Variants in CAPRIN2 observed in about 807,000 individuals in gnomAD.
CAPRIN2 encodes the protein caprin family member 2, also known as caprin-2.
A neutral mutation model predicts 130.4 loss-of-function variants in CAPRIN2; 66 were observed. The ratio of observed to expected loss-of-function variants is 0.51; its 90% confidence interval spans 0.42 to 0.62. The LOEUF is 0.62. CAPRIN2 is among the 20% of genes least tolerant of loss of function. The pLI, the probability that CAPRIN2 is intolerant of heterozygous loss-of-function variation, is 0.00. For missense variants in CAPRIN2, 1,185 were observed against 1,246.6 expected (o/e 0.95, Z 0.74); for synonymous variants, 471 against 444.1 (o/e 1.06, Z -0.76).
intron 2 of CAPRIN2, among the ~76,000 whole-genome samples, chr12:30,743,237 T>C (rs1693870156): frequency 6.6e-6 from 1 of 151,280 alleles, no homozygotes; most frequent in Admixed American, 6.6e-5. Flanking sequence ...GCTCCCTCTC[T>C]ATTGATGCTT....
chr12:30,717,195 C>T (rs2136700666), intron 12 of CAPRIN2, among the ~76,000 whole-genome samples: 1 of 152,312 alleles, frequency 6.6e-6, no homozygotes, highest in South Asian at 2.1e-4. Context: ...AATTTCCCAA[C>T]AGATGAATGG....
At chr12:30,720,635 CAAAGCTACAAT>C in intron 12 of CAPRIN2, 165 bp downstream of exon 13, 1 of 519,332 alleles carries the variant, frequency 1.9e-6, no homozygotes, top group Non-Finnish European at 3.5e-6. Flanking sequence ...ATTTATATGG[CAAAGCTACAAT>C]AAAGTTACCT....
At chr12:30,747,926 A>C (rs2139651456) in intron 2 of CAPRIN2, among the ~76,000 whole-genome samples, 1 of 152,294 alleles carries the variant, frequency 6.6e-6, no homozygotes, top group South Asian at 2.1e-4. Flanking sequence ...CAGCAGAGGA[A>C]GTAACTGCAG....
Position 30,710,383 on chromosome 12 carries a change from C to T in CAPRIN2, c.2753G>A (p.Arg918His), listed in dbSNP as rs772253137. 21 of 1,613,978 alleles carry T rather than the reference C, an allele frequency of 1.3e-5. No homozygotes were observed. Among genetic ancestry groups the T allele is most frequent in the African/African-American group, 2.7e-5 (2 of 74,890 alleles). ...TGGCACATCCACAGGGGTCATGCTA[C>T]GGGAGTCTCCTTGTCCAGAGTCACC... The change falls in exon 17 of 17, where the codon CGT becomes CAT. Residue 918 changes from arginine (R) to histidine (H), a missense_variant. Physicochemically the swap from Arg to His is conservative, Grantham distance 29. This residue lies in a region of CAPRIN2 where 1,104 missense variants were observed against 1,104.3 expected (regional missense o/e 1.00). Coordinates refer to ENST00000298892, the Ensembl canonical transcript of CAPRIN2. This position sits in a 1 kb window ranked among gnomAD's most constrained non-coding sequence, Gnocchi z 4.8.
chr12:30,736,970 T>G (rs1319016179), intron 3 of CAPRIN2, among the ~76,000 whole-genome samples: 1 of 152,196 alleles, frequency 6.6e-6, no homozygotes, highest in Non-Finnish European at 1.5e-5. Context: ...TATGGGCTCA[T>G]GCCACCTTGA....
Position 30,723,246 on chromosome 12 carries a change from T to G in CAPRIN2, c.2043+13A>C. On this transcript the variant is annotated intron_variant, in intron 11 of 16. Coordinates refer to ENST00000298892, the Ensembl canonical transcript of CAPRIN2. ...TGAGCAGCAAAGAATAAAAGATTAA[T>G]TTGGAAAGTTACCTGTAACGGCTCT... 2 of 1,587,954 alleles carry G rather than the reference T, an allele frequency of 1.3e-6. No individual in the cohort carries two copies. Among genetic ancestry groups the G allele is most frequent in the Non-Finnish European group, 1.7e-6 (2 of 1,157,010 alleles).
chr12:30,742,618 C>T (rs754605574), intron 2 of CAPRIN2, among the ~76,000 whole-genome samples: 1 of 151,286 alleles, frequency 6.6e-6, no homozygotes, highest in Non-Finnish European at 1.5e-5. Context: ...AAAAAGCAAA[C>T]TGCAGAATAT....
chr12:30,753,407 C>T, exon 1 of CAPRIN2: 1 of 1,613,916 alleles, frequency 6.2e-7, no homozygotes, highest in South Asian at 1.1e-5. Context: ...CAATATAGGT[C>T]TCATACGCTT....
intron 4 of CAPRIN2, 59 bp from the exon 6 acceptor site, chr12:30,733,770 A>G: frequency 9.0e-7 from 1 of 1,116,588 alleles, no homozygotes; most frequent in Non-Finnish European, 1.4e-6. Flanking sequence ...TATATGGAGC[A>G]GCACAATTTA....
At chr12:30,734,325 A>G in intron 4 of CAPRIN2, among the ~76,000 whole-genome samples, 1 of 152,168 alleles carries the variant, frequency 6.6e-6, no homozygotes, top group Non-Finnish European at 1.5e-5. Context: ...AACAAATACA[A>G]AGCTGGAATA....
chr12:30,730,705 G>T (rs1005498538), intron 6 of CAPRIN2, among the ~76,000 whole-genome samples: 16 of 152,252 alleles, frequency 1.1e-4, no homozygotes, highest in Middle Eastern at 3.4e-3. Flanking sequence ...TAAGAGAGTG[G>T]AGATACTTAA....
chr12:30,730,069 G>T lies in CAPRIN2; in HGVS notation c.1104+170C>A, dbSNP rs980266711. 3.9e-5 allele frequency among the ~76,000 whole-genome samples: 6 copies of T among 152,252 alleles called. No homozygotes were observed. The South Asian group carries it at 1.2e-3, about 32-fold the overall frequency. On this transcript the variant is annotated intron_variant, in intron 7 of 16. Transcript: ENST00000298892. ...ACGTTATCCCTATTTTACATATGAG[G>T]ATAACAGACACAGCTGGACCAGATT... is the stretch of plus-strand genomic sequence containing the variant.
intron 9 of CAPRIN2, among the ~76,000 whole-genome samples, chr12:30,725,005 A>C (rs765914082): frequency 6.6e-6 from 1 of 152,138 alleles, no homozygotes; most frequent in East Asian, 1.9e-4. Context: ...TAAACAAAAC[A>C]AAACAAAAGC....
intron 3 of CAPRIN2, among the ~76,000 whole-genome samples, chr12:30,740,009 T>C (rs955003875): frequency 1.3e-5 from 2 of 152,172 alleles, no homozygotes; most frequent in South Asian, 2.1e-4. Flanking sequence ...TCTAACCATA[T>C]TTGTAATCCT....
chr12:30,713,005 G>A (rs1020938508), intron 15 of CAPRIN2, among the ~76,000 whole-genome samples: 2 of 152,146 alleles, frequency 1.3e-5, no homozygotes, highest in African/African-American at 4.8e-5. Context: ...GCCTCCCAAA[G>A]TGCTGGGATT....
At chr12:30,726,724 AAAG>A (rs1459158292) in intron 8 of CAPRIN2, among the ~76,000 whole-genome samples, 1 of 152,120 alleles carries the variant, frequency 6.6e-6, no homozygotes, top group South Asian at 2.1e-4. Flanking sequence ...CCTTCTAATC[AAAG>A]AAGACACACA....
chr12:30,735,501 T>C (rs2064343990), intron 3 of CAPRIN2, among the ~76,000 whole-genome samples: 1 of 152,204 alleles, frequency 6.6e-6, no homozygotes, highest in African/African-American at 2.4e-5. Context: ...TTGATGTCCA[T>C]ATTCATTTCA....
At chr12:30,724,381 C>A in exon 10 of CAPRIN2, 2 of 1,610,496 alleles carry the variant, frequency 1.2e-6, no homozygotes, top group South Asian at 2.2e-5. Context: ...TACGGGGCTA[C>A]CTGGAGTAGC....
At chr12:30,718,412 C>T (rs998136128) in intron 12 of CAPRIN2, among the ~76,000 whole-genome samples, 2 of 152,138 alleles carry the variant, frequency 1.3e-5, no homozygotes, top group Non-Finnish European at 2.9e-5. Context: ...ACCATCACTC[C>T]GAAGTGCTTG....
Sources: gnomAD v4.1 joint callset for allele counts (sites outside exome capture counted in the v4.1 genomes callset) on GRCh38, gnomAD v4.1.1 for gene constraint, gnomAD v4.1.1 regional missense constraint, Gnocchi (gnomAD v3.1) non-coding constraint, MANE v1.5 for transcripts, NCBI Gene and HGNC (gene_info 2026-07-23, HGNC 2026-07-21) for gene names.